Variants in CDYL2 observed in about 807,000 individuals in gnomAD.
CDYL2 encodes chromodomain Y like 2, also known as chromodomain Y-like protein 2.
Under a neutral mutation model 49.4 loss-of-function variants are expected in CDYL2, and 23 were observed. The observed-to-expected ratio is 0.47, with a 90% confidence interval of 0.34 to 0.66. The LOEUF (loss-of-function observed/expected upper bound fraction) is 0.66, where lower values mean the gene tolerates loss of function less well. CDYL2 is among the 30% of genes least tolerant of loss of function. The pLI, the probability that CDYL2 is intolerant of heterozygous loss-of-function variation, is 0.01. For missense variants in CDYL2, 678 were observed against 656.4 expected (o/e 1.03, Z -0.36); for synonymous variants, 360 against 268.8 (o/e 1.34, Z -3.32).
intron 2 of CDYL2, among the ~76,000 whole-genome samples, chr16:80,633,932 G>C (rs1408004644): frequency 6.6e-6 from 1 of 152,176 alleles, no homozygotes; most frequent in Non-Finnish European, 1.5e-5. Flanking sequence ...ACGGTTCCCA[G>C]TCTCCAGCCT....
chr16:80,772,762 T>G (rs1906949931), intron 1 of CDYL2, among the ~76,000 whole-genome samples: 1 of 152,064 alleles, frequency 6.6e-6, no homozygotes, highest in Admixed American at 6.6e-5. Flanking sequence ...AAAATGCCAA[T>G]TAAAATTAGA....
At chr16:80,776,223 A>C (rs915482787) in intron 1 of CDYL2, among the ~76,000 whole-genome samples, 4 of 152,164 alleles carry the variant, frequency 2.6e-5, no homozygotes, top group Non-Finnish European at 2.9e-5. Context: ...ATTTTCAAAC[A>C]TCAAACGTGA....
chr16:80,656,127 A>G (rs1337465415), intron 2 of CDYL2, among the ~76,000 whole-genome samples: 1 of 152,182 alleles, frequency 6.6e-6, no homozygotes, highest in Non-Finnish European at 1.5e-5. Flanking sequence ...GGCTAAAAGT[A>G]CCTACTCTTC....
chr16:80,718,670 A>C (rs1196437059), intron 1 of CDYL2, among the ~76,000 whole-genome samples: 1 of 152,188 alleles, frequency 6.6e-6, no homozygotes, highest in Non-Finnish European at 1.5e-5. Context: ...GGCAAGTGTA[A>C]CCTGACACTC....
intron 1 of CDYL2, among the ~76,000 whole-genome samples, chr16:80,760,716 G>A (rs1597120024): frequency 2.6e-5 from 4 of 151,510 alleles, no homozygotes; most frequent in East Asian, 3.9e-4. Flanking sequence ...ATTGACTGGG[G>A]GATAAAAATC....
intron 2 of CDYL2, among the ~76,000 whole-genome samples, chr16:80,675,505 C>A (rs531066722): frequency 2.2e-4 from 33 of 152,324 alleles, no homozygotes; most frequent in African/African-American, 7.9e-4. Flanking sequence ...ACCACCACCA[C>A]CGCTGCCACC....
rs369493323 is a variant in CDYL2, at chr16:80,613,307, T to C, written c.1008-471A>G. On this transcript the variant is annotated intron_variant, in intron 4 of 6. Coordinates refer to ENST00000570137, the MANE Select transcript of CDYL2 (RefSeq NM_152342.4). Reference sequence around the variant, plus strand: ...CTGGCCAAAGGTGAATGGAGTGGCTTTGTGGGGTATGAATTCCTCATTCCT... The same window carrying C: ...CTGGCCAAAGGTGAATGGAGTGGCTCTGTGGGGTATGAATTCCTCATTCCT... 2.1e-3 allele frequency among the ~76,000 whole-genome samples: 312 copies of C among 152,150 alleles called. 9 individuals are homozygous for C. In the South Asian group the frequency reaches 0.063, roughly 31 times the overall value.
At chr16:80,762,311 G>A (rs1314485994) in intron 1 of CDYL2, among the ~76,000 whole-genome samples, 2 of 152,146 alleles carry the variant, frequency 1.3e-5, no homozygotes, top group African/African-American at 4.8e-5. Flanking sequence ...GCAGACCATC[G>A]CAAGGAAGAG....
At chr16:80,803,554 C>A (rs375945143) in intron 1 of CDYL2, among the ~76,000 whole-genome samples, 8 of 151,642 alleles carry the variant, frequency 5.3e-5, no homozygotes, top group African/African-American at 1.9e-4. Flanking sequence ...GCCCGGGGAC[C>A]CCGGGGAGCG....
chr16:80,619,906 T>C (rs1451288753), intron 4 of CDYL2, among the ~76,000 whole-genome samples: 1 of 152,162 alleles, frequency 6.6e-6, no homozygotes, highest in East Asian at 1.9e-4. Flanking sequence ...CCTCCCTCTG[T>C]GTGGCCCCTC....
chr16:80,687,119 T>C (rs543628624), intron 1 of CDYL2, among the ~76,000 whole-genome samples: 121 of 152,326 alleles, frequency 7.9e-4, no homozygotes, highest in Non-Finnish European at 1.0e-3. Flanking sequence ...AGAAACTCTC[T>C]ACAGGTTTAC....
intron 1 of CDYL2, among the ~76,000 whole-genome samples, chr16:80,713,888 C>T (rs28670884): frequency 1.2e-4 from 19 of 152,192 alleles, no homozygotes; most frequent in African/African-American, 4.3e-4. Flanking sequence ...GTGTGCCAAC[C>T]GACAACATAG....
chr16:80,671,230 A>G (rs1445142450), intron 2 of CDYL2, among the ~76,000 whole-genome samples: 3 of 152,300 alleles, frequency 2.0e-5, no homozygotes, highest in Admixed American at 1.3e-4. Flanking sequence ...CTATCAGCCG[A>G]GCTGCCCAGT....
chr16:80,799,495 C>G (rs762035676), intron 1 of CDYL2, among the ~76,000 whole-genome samples: 2 of 152,290 alleles, frequency 1.3e-5, no homozygotes, highest in African/African-American at 2.4e-5. Context: ...AATGATGGTG[C>G]TATGAATTCA....
intron 1 of CDYL2, among the ~76,000 whole-genome samples, chr16:80,795,751 G>C (rs118187565): frequency 6.6e-6 from 1 of 152,156 alleles, no homozygotes; most frequent in Non-Finnish European, 1.5e-5. Flanking sequence ...AGAACACCCA[G>C]GCCTGGTTGA....
At chr16:80,744,978 T>C (rs2142556163) in intron 1 of CDYL2, among the ~76,000 whole-genome samples, 1 of 152,272 alleles carries the variant, frequency 6.6e-6, no homozygotes, top group Middle Eastern at 3.4e-3. Flanking sequence ...AGGGTCTCTC[T>C]GATGCCACAA....
intron 2 of CDYL2, among the ~76,000 whole-genome samples, chr16:80,678,267 T>C (rs1909836726): frequency 6.6e-6 from 1 of 152,178 alleles, no homozygotes; most frequent in East Asian, 1.9e-4. Flanking sequence ...AAATGGGATC[T>C]AATTAAACTA....
chr16:80,621,572 A>G (rs4888103), intron 3 of CDYL2, among the ~76,000 whole-genome samples: 13,427 of 152,244 alleles, frequency 0.088, 1,176 homozygotes, highest in East Asian at 0.3. Context: ...AAGTGGGTGG[A>G]CCCACTCTCA....
chr16:80,674,320 T>C (rs540396691), intron 2 of CDYL2, among the ~76,000 whole-genome samples: 1 of 152,196 alleles, frequency 6.6e-6, no homozygotes, highest in South Asian at 2.1e-4. Context: ...GGAAATTCAA[T>C]GCACAGCTTC....
Sources: gnomAD v4.1 joint callset for allele counts (sites outside exome capture counted in the v4.1 genomes callset) on GRCh38, gnomAD v4.1.1 for gene constraint, MANE v1.5 for transcripts, NCBI Gene and HGNC (gene_info 2026-07-23, HGNC 2026-07-21) for gene names.